CRACR2A: variants seen among roughly 807,000 people sequenced by gnomAD.
CRACR2A encodes calcium release activated channel regulator 2A.
In CRACR2A, 79 loss-of-function variants were observed where a neutral mutation model predicts 90.5. The ratio of observed to expected loss-of-function variants is 0.87; its 90% confidence interval spans 0.73 to 1.05. The LOEUF (loss-of-function observed/expected upper bound fraction) is 1.05, where lower values mean the gene tolerates loss of function less well. Ranked by LOEUF, CRACR2A falls within the 50% of genes least tolerant of loss-of-function variation. The pLI is 0.00. For missense variants in CRACR2A, 823 were observed against 897.2 expected (o/e 0.92, Z 1.06); for synonymous variants, 338 against 356.7 (o/e 0.95, Z 0.59).
intron 13 of CRACR2A, chr12:3,640,438 C>A (rs1264090353): frequency 9.7e-7 from 1 of 1,029,724 alleles, no homozygotes; most frequent in African/African-American, 1.7e-5. Context: ...GACCTCATGT[C>A]TAATTTATTT....
chr12:3,703,709 C>T (rs570164979), intron 3 of CRACR2A, among the ~76,000 whole-genome samples: 1 of 152,304 alleles, frequency 6.6e-6, no homozygotes, highest in East Asian at 1.9e-4. Context: ...ACATAAAGAA[C>T]TTTCAAAACT....
chr12:3,673,526 A>G lies in CRACR2A; in HGVS notation c.591T>C (p.Phe197=). The change falls in exon 7 of 20, where the codon TTT becomes TTC. Residue 197 remains phenylalanine (F), a synonymous_variant. Coordinates refer to ENST00000440314, the MANE Select transcript of CRACR2A (RefSeq NM_001144958.2). ...KKEEPHLLSN[F]EDFLTRIISQ... The stretch of plus-strand genomic sequence containing the variant: ...AGATGATTCTGGTCAGGAAGTCTTC[A>G]AAGTTGGACAGTAAATGAGGTTCCT... 1.2e-6 allele frequency: 2 copies of G among 1,614,124 alleles called. No individual in the cohort carries two copies. The highest frequency in any genetic ancestry group is 1.7e-6 in the Non-Finnish European group (2 of 1,180,028).
At chr12:3,737,117 T>C (rs143753368) in intron 1 of CRACR2A, among the ~76,000 whole-genome samples, 27 of 152,282 alleles carry the variant, frequency 1.8e-4, no homozygotes, top group African/African-American at 6.5e-4. Flanking sequence ...AAGGGCTTGC[T>C]ATAGGGAGCC....
rs1216769521 is a variant in CRACR2A at position 3,659,605 on chromosome 12, C to A, written c.721G>T (p.Glu241Ter). 6.2e-7 allele frequency: 1 copy of A among 1,614,054 alleles called. No individual in the cohort carries two copies. Among genetic ancestry groups the A allele is most frequent in the African/African-American group, 1.3e-5 (1 of 74,916 alleles). Residue 241 changes from glutamate to a stop codon, truncating the protein, a stop_gained, in exon 8 of 20, where the codon GAA becomes TAA. Transcript: ENST00000440314. LOFTEE classifies it high-confidence loss of function. Reference protein sequence around the residue: ...EEIQHLYEEMEQQIKSEKEQF... With the variant: ...EEIQHLYEEM Reference sequence around the variant, plus strand: ...TCCTTCTCACTTTTGATTTGTTGTTCCATCTCCTCATAGAGATGCTGGATT... The same window carrying A: ...TCCTTCTCACTTTTGATTTGTTGTTACATCTCCTCATAGAGATGCTGGATT...
chr12:3,645,930 A>G (rs763895410), intron 11 of CRACR2A, among the ~76,000 whole-genome samples: 1 of 152,190 alleles, frequency 6.6e-6, no homozygotes, highest in Non-Finnish European at 1.5e-5. Flanking sequence ...CAAATGCTGG[A>G]CTAGTCCTTG....
intron 3 of CRACR2A, among the ~76,000 whole-genome samples, 177 bp from the exon 4 acceptor site, chr12:3,697,212 C>T (rs568429797): frequency 1.3e-5 from 2 of 152,256 alleles, no homozygotes; most frequent in African/African-American, 2.4e-5. Context: ...TCCATGATCA[C>T]TAATAGATCA....
chr12:3,649,516 T>C (rs1465974605), intron 10 of CRACR2A, among the ~76,000 whole-genome samples: 2 of 152,206 alleles, frequency 1.3e-5, no homozygotes, highest in Non-Finnish European at 2.9e-5. Flanking sequence ...CACTCATTTC[T>C]CTGACTTATG....
At chr12:3,750,325 C>T (rs1349679533) in intron 1 of CRACR2A, among the ~76,000 whole-genome samples, 1 of 152,060 alleles carries the variant, frequency 6.6e-6, no homozygotes, top group Non-Finnish European at 1.5e-5. Context: ...CCTCTGGAGC[C>T]CAAGGGCCTG....
chr12:3,704,994 G>A (rs1482090561), intron 3 of CRACR2A, among the ~76,000 whole-genome samples: 1 of 152,178 alleles, frequency 6.6e-6, no homozygotes, highest in African/African-American at 2.4e-5. Context: ...TAAAGTGGAA[G>A]CCCTGCATGA....
chr12:3,660,751 C>G (rs1945014609), intron 7 of CRACR2A, among the ~76,000 whole-genome samples: 1 of 151,780 alleles, frequency 6.6e-6, no homozygotes, highest in African/African-American at 2.4e-5. Context: ...TACTCCCTAT[C>G]CTCTCCCCAT....
intron 15 of CRACR2A, among the ~76,000 whole-genome samples, chr12:3,629,541 G>A (rs1002368627): frequency 5.3e-5 from 8 of 152,246 alleles, no homozygotes; most frequent in Non-Finnish European, 8.8e-5. Flanking sequence ...AGCCAGTGCT[G>A]CCCGAGGACA....
chr12:3,744,417 G>A (rs1946577762), intron 1 of CRACR2A, among the ~76,000 whole-genome samples: 1 of 152,184 alleles, frequency 6.6e-6, no homozygotes, highest in African/African-American at 2.4e-5. Context: ...AGACAGGGAA[G>A]CTGTGCTTGA....
At chr12:3,687,506 A>G (rs937512606) in intron 4 of CRACR2A, among the ~76,000 whole-genome samples, 3 of 152,138 alleles carry the variant, frequency 2.0e-5, no homozygotes, top group Non-Finnish European at 4.4e-5. Flanking sequence ...GCTCCATCCA[A>G]GTTGCTGCAA....
chr12:3,617,141 A>C lies in CRACR2A; in HGVS notation c.2035-111T>G, dbSNP rs868414450. 1.2e-4 allele frequency: 92 copies of C among 776,268 alleles called. No homozygotes were observed. In the African/African-American group the frequency reaches 1.5e-3, roughly 12 times the overall value. 48.1% of individuals were successfully genotyped at this position (776,268 alleles called of 1,614,324 possible). Reference sequence around the variant, plus strand: ...ACCTACAGCCTTCACTTCCTCTCGCAGCCCCTTGACCTTCCTCATAATCCT... The same window carrying C: ...ACCTACAGCCTTCACTTCCTCTCGCCGCCCCTTGACCTTCCTCATAATCCT... On this transcript the variant is annotated intron_variant, in intron 18 of 19. Transcript: ENST00000440314.
chr12:3,689,897 A>T (rs998581928), intron 4 of CRACR2A, among the ~76,000 whole-genome samples: 5 of 151,862 alleles, frequency 3.3e-5, no homozygotes, highest in Non-Finnish European at 7.4e-5. Flanking sequence ...TATGTCCAGG[A>T]ATTTATCAAC....
intron 10 of CRACR2A, among the ~76,000 whole-genome samples, chr12:3,650,205 C>A (rs1944770176): frequency 1.3e-5 from 2 of 152,200 alleles, no homozygotes; most frequent in South Asian, 4.1e-4. Context: ...CCCACTGCCA[C>A]CCCATCAGTA....
intron 2 of CRACR2A, chr12:3,728,365 A>G (rs532521773): frequency 2.0e-5 from 3 of 152,294 alleles, no homozygotes; most frequent in Non-Finnish European, 4.4e-5. Flanking sequence ...CAGAGAAAGA[A>G]TAAATAAAAA....
intron 3 of CRACR2A, among the ~76,000 whole-genome samples, chr12:3,698,770 T>A (rs1037890708): frequency 6.6e-6 from 1 of 152,222 alleles, no homozygotes; most frequent in Admixed American, 6.5e-5. Context: ...TGTGTCTCCA[T>A]GGCTTTTATG....
Position 3,744,653 on chromosome 12 carries a change from A to G in CRACR2A, c.-387+8362T>C, listed in dbSNP as rs934098899. ...AGCCCACAGGAGGGCAGTCTCACAG[A>G]AGTGCTTTTGATTGAAGCAGATAAT... On this transcript the variant is annotated intron_variant, in intron 1 of 19. Coordinates refer to ENST00000440314, the MANE Select transcript of CRACR2A (RefSeq NM_001144958.2). Among the ~76,000 whole-genome samples the G allele has an allele frequency of 7.9e-5, 12 of 152,250 alleles. No individual in the cohort carries two copies. The South Asian group carries it at 1.2e-3, about 16-fold the overall frequency.
Sources: gnomAD v4.1 joint callset for allele counts (sites outside exome capture counted in the v4.1 genomes callset) on GRCh38, gnomAD v4.1.1 for gene constraint, MANE v1.5 for transcripts, NCBI Gene and HGNC (gene_info 2026-07-23, HGNC 2026-07-21) for gene names.